Variants in FAM110B observed in about 807,000 individuals in gnomAD.
FAM110B encodes the protein family with sequence similarity 110 member B, also known as protein FAM110B.
Under a neutral mutation model 20.4 loss-of-function variants are expected in FAM110B, and 6 were observed. The ratio of observed to expected loss-of-function variants is 0.29; its 90% confidence interval spans 0.16 to 0.58. FAM110B has a LOEUF of 0.58. FAM110B is among the 20% of genes least tolerant of loss of function. The probability of loss-of-function intolerance (pLI) is 0.90; values close to 1 mark genes in which losing one functional copy is unlikely to be tolerated. For missense variants in FAM110B, 434 were observed against 498.2 expected, an observed-to-expected ratio of 0.87 and a Z score of 1.23; for synonymous variants, 226 against 214.1, an observed-to-expected ratio of 1.06 and a Z score of -0.49.
chr8:58,106,924 C>CT (rs1378476728), intron 3 of FAM110B, among the ~76,000 whole-genome samples: 1 of 152,132 alleles, frequency 6.6e-6, no homozygotes, highest in African/African-American at 2.4e-5. Flanking sequence ...TTATAACTGA[C>CT]GATAAGCGAG....
chr8:58,141,659 C>T (rs969036869), intron 3 of FAM110B, among the ~76,000 whole-genome samples: 8 of 152,158 alleles, frequency 5.3e-5, no homozygotes, highest in Admixed American at 3.9e-4. Flanking sequence ...TTTTTCATTA[C>T]CAGAAGCACT....
At chr8:58,003,205 A>G (rs893930384) in intron 1 of FAM110B, among the ~76,000 whole-genome samples, 2 of 152,192 alleles carry the variant, frequency 1.3e-5, no homozygotes, top group East Asian at 1.9e-4. Context: ...TGTTAGTTTT[A>G]TCATGAGATT....
At chr8:58,015,666 T>A (rs1242665369) in intron 1 of FAM110B, among the ~76,000 whole-genome samples, 3 of 151,764 alleles carry the variant, frequency 2.0e-5, no homozygotes, top group Non-Finnish European at 4.4e-5. Context: ...GCTAACATGA[T>A]GAAACCCCGT....
At chr8:58,140,380 G>T (rs1803713152) in intron 3 of FAM110B, among the ~76,000 whole-genome samples, 1 of 152,188 alleles carries the variant, frequency 6.6e-6, no homozygotes, top group Admixed American at 6.5e-5. Context: ...CAAGAGGTAG[G>T]TACTATTGCT....
intron 3 of FAM110B, among the ~76,000 whole-genome samples, chr8:58,134,852 A>G (rs1352817280): frequency 6.6e-6 from 1 of 152,198 alleles, no homozygotes; most frequent in Non-Finnish European, 1.5e-5. Context: ...AGCTATTAAC[A>G]AGTAGCATGG....
At chr8:58,029,900 T>C (rs1267916952) in intron 1 of FAM110B, among the ~76,000 whole-genome samples, 2 of 152,258 alleles carry the variant, frequency 1.3e-5, no homozygotes, top group Non-Finnish European at 2.9e-5. Context: ...CACAGTTGAG[T>C]GACTTTTCTA....
intron 1 of FAM110B, among the ~76,000 whole-genome samples, chr8:57,996,062 T>G (rs552594019): frequency 2.6e-5 from 4 of 152,364 alleles, no homozygotes; most frequent in Admixed American, 2.6e-4. Flanking sequence ...CTTGTACTCA[T>G]TTTTGTGACA....
At chr8:58,006,923 A>ATATATATATATATATATATATTTTTT in intron 1 of FAM110B, among the ~76,000 whole-genome samples, 18 of 126,528 alleles carry the variant, frequency 1.4e-4, no homozygotes, top group African/African-American at 4.9e-4. Context: ...ATATATATAT[A>ATATATATATATATATATATATTTTTT]TTTTTCCAAA....
At chr8:58,040,327 G>A (rs1393237068) in intron 2 of FAM110B, among the ~76,000 whole-genome samples, 1 of 152,072 alleles carries the variant, frequency 6.6e-6, no homozygotes, top group African/African-American at 2.4e-5. Flanking sequence ...TTCCTCTAAC[G>A]TTACCAATAC....
At chr8:58,080,062 T>A (rs1355865655) in intron 3 of FAM110B, among the ~76,000 whole-genome samples, 1 of 152,190 alleles carries the variant, frequency 6.6e-6, no homozygotes, top group African/African-American at 2.4e-5. Context: ...AGTATGTAGA[T>A]ATGGGATATA....
At chr8:58,051,319 G>A (rs1805436563) in intron 2 of FAM110B, among the ~76,000 whole-genome samples, 1 of 152,216 alleles carries the variant, frequency 6.6e-6, no homozygotes, top group Admixed American at 6.5e-5. Context: ...GTTTTGAGCA[G>A]ATTAACCTTG....
chr8:58,119,084 T>C (rs1414492668), intron 3 of FAM110B, among the ~76,000 whole-genome samples: 1 of 152,230 alleles, frequency 6.6e-6, no homozygotes, highest in East Asian at 1.9e-4. Flanking sequence ...GTGGCTGGAC[T>C]GAAATCCAGA....
intron 2 of FAM110B, among the ~76,000 whole-genome samples, chr8:58,056,057 G>A (rs1805541353): frequency 6.6e-6 from 1 of 152,156 alleles, no homozygotes; most frequent in Non-Finnish European, 1.5e-5. Context: ...TGTCTGTTGT[G>A]TAAATAAAGT....
At chr8:58,086,443 A>G (rs1319452580) in intron 3 of FAM110B, among the ~76,000 whole-genome samples, 1 of 152,198 alleles carries the variant, frequency 6.6e-6, no homozygotes, top group Non-Finnish European at 1.5e-5. Context: ...TATTAATTTT[A>G]AACTCCACTA....
intron 3 of FAM110B, among the ~76,000 whole-genome samples, chr8:58,116,881 G>C (rs1419587144): frequency 1.3e-5 from 2 of 152,164 alleles, no homozygotes; most frequent in East Asian, 1.9e-4. Context: ...ACAGATTGTA[G>C]AGCATCAGGA....
At chr8:58,119,318 G>A (rs1807294934) in intron 3 of FAM110B, among the ~76,000 whole-genome samples, 2 of 152,344 alleles carry the variant, frequency 1.3e-5, no homozygotes, top group South Asian at 4.1e-4. Flanking sequence ...AGCAGATTTG[G>A]TGTCTGGTGA....
rs771439068 is a variant in FAM110B at position 58,003,278 on chromosome 8, G to A, written c.-512+8472G>A. 5.3e-5 allele frequency among the ~76,000 whole-genome samples: 8 copies of A among 152,144 alleles called. No individual in the cohort carries two copies. The East Asian group carries it at 5.8e-4, about 11-fold the overall frequency. ...CTCTAGTTCTCTTGCTATTTCCACCGGATCTGCAATTACTCCTCCATGGGA... is the reference window on the plus strand; with the variant it reads ...CTCTAGTTCTCTTGCTATTTCCACCAGATCTGCAATTACTCCTCCATGGGA... On this transcript the variant is annotated intron_variant, in intron 1 of 3. Transcript: ENST00000519262.
intron 2 of FAM110B, among the ~76,000 whole-genome samples, chr8:58,037,749 CT>C (rs1474290463): frequency 6.6e-6 from 1 of 152,122 alleles, no homozygotes; most frequent in African/African-American, 2.4e-5. Context: ...AGTGGCATCT[CT>C]TTTCAGTGAG....
chr8:58,109,300 GA>G (rs1173673576), intron 3 of FAM110B, among the ~76,000 whole-genome samples: 1 of 152,094 alleles, frequency 6.6e-6, no homozygotes, highest in Admixed American at 6.6e-5. Flanking sequence ...AGTAAGAACA[GA>G]AGCCTCAAGA....
Sources: allele counts gnomAD v4.1 joint callset (sites outside exome capture counted in the v4.1 genomes callset), GRCh38; gene constraint gnomAD v4.1.1; transcripts MANE v1.5; gene names NCBI Gene and HGNC (gene_info 2026-07-23, HGNC 2026-07-21).